Variants in CDH20 observed in about 807,000 individuals in gnomAD.
The protein encoded by CDH20 is cadherin 20.
In CDH20, 29 loss-of-function variants were observed where a neutral mutation model predicts 74.2. That is an observed-to-expected ratio of 0.39 (90% CI 0.29 to 0.53). The LOEUF (loss-of-function observed/expected upper bound fraction) is 0.53, where lower values mean the gene tolerates loss of function less well. Among genes scored for constraint, CDH20 ranks in the 20% least tolerant of loss-of-function variants. The pLI, the probability that CDH20 is intolerant of heterozygous loss-of-function variation, is 0.69. For synonymous variants in CDH20, 469 were observed against 405.4 expected (o/e 1.16, Z -1.88); for missense variants, 988 against 1,048.3 (o/e 0.94, Z 0.79).
chr18:61,378,489 C>A (rs542254929), intron 1 of CDH20, among the ~76,000 whole-genome samples: 1 of 152,172 alleles, frequency 6.6e-6, no homozygotes, highest in Non-Finnish European at 1.5e-5. Flanking sequence ...TGCCTGCTCG[C>A]GTTGGACAGA....
At chr18:61,507,593 T>C (rs1381998864) in intron 6 of CDH20, 33 bp downstream of exon 6, 5 of 1,495,858 alleles carry the variant, frequency 3.3e-6, no homozygotes, top group East Asian at 2.3e-5. Context: ...ACCACTTTCA[T>C]GGGTGCTTTG....
At chr18:61,508,180 T>A (rs990006933) in intron 6 of CDH20, among the ~76,000 whole-genome samples, 4 of 152,228 alleles carry the variant, frequency 2.6e-5, no homozygotes, top group African/African-American at 9.6e-5. Context: ...AAAAATTGAA[T>A]CTTTAACTCC....
chr18:61,536,153 CA>C (rs1326229625), intron 7 of CDH20, among the ~76,000 whole-genome samples: 1 of 152,110 alleles, frequency 6.6e-6, no homozygotes, highest in Admixed American at 6.5e-5. Context: ...CAAATATATA[CA>C]GGACTCGATA....
chr18:61,381,725 AC>A (rs1368812703), intron 1 of CDH20, among the ~76,000 whole-genome samples: 2 of 152,186 alleles, frequency 1.3e-5, no homozygotes, highest in African/African-American at 4.8e-5. Context: ...CTCATTAGGA[AC>A]CTGTAGAATC....
At chr18:61,370,283 C>T (rs1910992362) in intron 1 of CDH20, among the ~76,000 whole-genome samples, 1 of 152,052 alleles carries the variant, frequency 6.6e-6, no homozygotes, top group Admixed American at 6.6e-5. Flanking sequence ...TACAAAGACA[C>T]TATCCTAAGT....
chr18:61,377,925 T>C (rs1328027101), intron 1 of CDH20, among the ~76,000 whole-genome samples: 3 of 152,114 alleles, frequency 2.0e-5, no homozygotes, highest in Admixed American at 6.6e-5. Flanking sequence ...TTCACATTTT[T>C]GAAATGTCAG....
Position 61,342,198 on chromosome 18 carries a change from C to T in CDH20, c.-153+8371C>T, listed in dbSNP as rs550780963. ...TCTCTGGCTACATCTATCTATTTCACTCATGTCAAAACATGTAGTATTCAG... is the reference window on the plus strand; with the variant it reads ...TCTCTGGCTACATCTATCTATTTCATTCATGTCAAAACATGTAGTATTCAG... On this transcript the variant is annotated intron_variant, in intron 1 of 11. Coordinates refer to ENST00000262717, the MANE Select transcript of CDH20 (RefSeq NM_031891.4). Among the ~76,000 whole-genome samples the T allele has an allele frequency of 1.2e-3, 180 of 152,276 alleles. 1 individual carries two copies. The highest frequency in any genetic ancestry group is 3.4e-3 in the Middle Eastern group (1 of 294).
chr18:61,416,368 T>C (rs1033565824), intron 1 of CDH20, among the ~76,000 whole-genome samples: 8 of 152,190 alleles, frequency 5.3e-5, no homozygotes, highest in African/African-American at 1.4e-4. Context: ...TTGGTTATGA[T>C]TGTGTCCCTT....
At chr18:61,506,190 G>T (rs752208823) in intron 5 of CDH20, among the ~76,000 whole-genome samples, 4 of 152,154 alleles carry the variant, frequency 2.6e-5, no homozygotes, top group Non-Finnish European at 4.4e-5. Flanking sequence ...TAGCTTTATT[G>T]GGATGAGGAA....
chr18:61,519,948 C>A (rs1469629275), intron 6 of CDH20, among the ~76,000 whole-genome samples: 4 of 127,914 alleles, frequency 3.1e-5, no homozygotes, highest in African/African-American at 6.1e-5. Context: ...AAATGGAAAG[C>A]AAAAAAAAAA....
At chr18:61,341,429 C>G (rs1421302304) in intron 1 of CDH20, among the ~76,000 whole-genome samples, 1 of 151,900 alleles carries the variant, frequency 6.6e-6, no homozygotes, top group Non-Finnish European at 1.5e-5. Flanking sequence ...TGAGCCCCCC[C>G]CCCGCCTAAT....
chr18:61,405,851 C>A (rs1030846748), intron 1 of CDH20, among the ~76,000 whole-genome samples: 4 of 152,186 alleles, frequency 2.6e-5, no homozygotes, highest in Non-Finnish European at 5.9e-5. Context: ...AGAAACACTG[C>A]GTTAAGCCTT....
intron 1 of CDH20, among the ~76,000 whole-genome samples, chr18:61,392,903 G>A (rs1050403027): frequency 6.6e-6 from 1 of 151,790 alleles, no homozygotes; most frequent in Non-Finnish European, 1.5e-5. Flanking sequence ...GTGGTGCACT[G>A]TCTGGCTGTT....
intron 1 of CDH20, among the ~76,000 whole-genome samples, chr18:61,367,228 T>C (rs1910892015): frequency 6.6e-6 from 1 of 152,144 alleles, no homozygotes; most frequent in African/African-American, 2.4e-5. Context: ...TTACGTGTTC[T>C]CTACAATAGC....
In CDH20 at chr18:61,490,732, G is replaced by T. The variant is rs1180411292; in HGVS notation, c.179G>T (p.Ser60Ile). 2.5e-6 allele frequency: 4 copies of T among 1,614,058 alleles called. No homozygotes were observed. Among genetic ancestry groups the T allele is most frequent in the Non-Finnish European group, 8.5e-7 (1 of 1,180,046 alleles). ...KPQSHQRTKR[S>I]WVWNQFFVLE... ...CAGTCACATCAGCGGACCAAGAGGA[G>T]CTGGGTTTGGAACCAGTTTTTCGTT... The change falls in exon 2 of 12, where the codon AGC becomes ATC. Residue 60 changes from serine (S) to isoleucine (I), a missense_variant. Transcript: ENST00000262717.
intron 1 of CDH20, among the ~76,000 whole-genome samples, chr18:61,381,390 T>G (rs2144180374): frequency 6.6e-6 from 1 of 152,314 alleles, no homozygotes; most frequent in African/African-American, 2.4e-5. Context: ...AAAAGTAATG[T>G]TAGTCTGTTC....
intron 1 of CDH20, among the ~76,000 whole-genome samples, chr18:61,457,343 C>T (rs1364537102): frequency 6.6e-6 from 1 of 152,122 alleles, no homozygotes; most frequent in African/African-American, 2.4e-5. Context: ...TTGCCAAATG[C>T]TGTTCAAAGT....
intron 1 of CDH20, among the ~76,000 whole-genome samples, chr18:61,459,985 G>C (rs776581866): frequency 5.3e-5 from 8 of 152,128 alleles, no homozygotes; most frequent in Admixed American, 1.3e-4. Context: ...CCAACCAACT[G>C]TTGAAAAGAA....
At chr18:61,334,912 A>T (rs566749024) in intron 1 of CDH20, among the ~76,000 whole-genome samples, 1 of 152,178 alleles carries the variant, frequency 6.6e-6, no homozygotes. Context: ...CTGCAAATTG[A>T]ACCTGCAGCC....
Sources: allele counts gnomAD v4.1 joint callset (sites outside exome capture counted in the v4.1 genomes callset), GRCh38; gene constraint gnomAD v4.1.1; transcripts MANE v1.5; gene names NCBI Gene and HGNC (gene_info 2026-07-23, HGNC 2026-07-21).